The following PTPRN2 variants were observed in gnomAD, a reference collection of about 807,000 sequenced individuals.
PTPRN2 encodes the protein receptor-type tyrosine-protein phosphatase N2.
A neutral mutation model predicts 118.8 loss-of-function variants in PTPRN2; 74 were observed. The observed-to-expected ratio is 0.62, with a 90% CI of 0.52 to 0.76. The LOEUF (loss-of-function observed/expected upper bound fraction) is 0.76, where lower values mean the gene tolerates loss of function less well. Ranked by LOEUF, PTPRN2 falls within the 30% of genes least tolerant of loss-of-function variation. The probability of loss-of-function intolerance (pLI) is 0.00; values close to 1 mark genes in which losing one functional copy is unlikely to be tolerated. For missense variants in PTPRN2, 1,481 were observed against 1,394.4 expected (o/e 1.06, Z -0.99); for synonymous variants, 641 against 608.0 (o/e 1.05, Z -0.80).
intron 2 of PTPRN2, among the ~76,000 whole-genome samples, chr7:158,404,766 C>G (rs1216069464): frequency 1.4e-5 from 2 of 139,388 alleles, no homozygotes; most frequent in Non-Finnish European, 3.1e-5. Context: ...CCGGCCTCAG[C>G]TCCCCGGCCC....
At chr7:157,689,747 T>C (rs1211882707) in intron 12 of PTPRN2, among the ~76,000 whole-genome samples, 1 of 152,182 alleles carries the variant, frequency 6.6e-6, no homozygotes. Flanking sequence ...GGGGAGGCGC[T>C]GAGAAAGCGC....
At chr7:157,827,416 G>A (rs1282773441) in intron 12 of PTPRN2, among the ~76,000 whole-genome samples, 1 of 79,348 alleles carries the variant, frequency 1.3e-5, no homozygotes, top group Non-Finnish European at 3.3e-5. Context: ...AACACAGTGT[G>A]GGCCGTGGCT....
chr7:158,151,728 A>G (rs970410260), intron 6 of PTPRN2, among the ~76,000 whole-genome samples: 2 of 150,034 alleles, frequency 1.3e-5, no homozygotes, highest in Non-Finnish European at 3.0e-5. Flanking sequence ...CTCCCTTGCT[A>G]GCTGCATTCT....
intron 14 of PTPRN2, among the ~76,000 whole-genome samples, chr7:157,649,416 A>G (rs1406335162): frequency 4.4e-4 from 43 of 98,270 alleles, no homozygotes; most frequent in South Asian, 1.3e-3. Flanking sequence ...TCGGTGGGTC[A>G]GACCCTTTCA....
chr7:158,545,829 T>C (rs1444298370), intron 1 of PTPRN2, among the ~76,000 whole-genome samples: 4 of 152,068 alleles, frequency 2.6e-5, no homozygotes, highest in Non-Finnish European at 5.9e-5. Flanking sequence ...CAAAACCCTG[T>C]CTCTACTCAA....
chr7:157,605,215 C>T (rs988145049), intron 15 of PTPRN2, among the ~76,000 whole-genome samples: 33 of 152,354 alleles, frequency 2.2e-4, no homozygotes, highest in Admixed American at 5.2e-4. Flanking sequence ...CAGTCAGGCA[C>T]GCTGGGTGCT....
chr7:157,551,180 C>T (rs555521764), intron 21 of PTPRN2, among the ~76,000 whole-genome samples: 1 of 152,264 alleles, frequency 6.6e-6, no homozygotes, highest in South Asian at 2.1e-4. Context: ...CCAGGTTAGT[C>T]TCAGTGTCAC....
At chr7:158,248,801 GAC>G (rs1338488437) in intron 3 of PTPRN2, among the ~76,000 whole-genome samples, 2 of 9,576 alleles carry the variant, frequency 2.1e-4, no homozygotes, top group African/African-American at 7.2e-4. Context: ...GCATATAGAT[GAC>G]ACACGTGCAC....
intron 14 of PTPRN2, among the ~76,000 whole-genome samples, chr7:157,639,234 G>A (rs1022121593): frequency 3.9e-5 from 6 of 152,154 alleles, no homozygotes; most frequent in East Asian, 1.9e-4. Flanking sequence ...ATGGGGTTTC[G>A]CCTGTTGGCC....
intron 11 of PTPRN2, among the ~76,000 whole-genome samples, chr7:157,906,315 G>A (rs559151389): frequency 6.6e-6 from 1 of 152,362 alleles, no homozygotes. Flanking sequence ...CCTGGGCCCA[G>A]GCGAGCTGCC....
chr7:158,458,852 G>A (rs1020535618), intron 2 of PTPRN2, among the ~76,000 whole-genome samples: 2 of 152,172 alleles, frequency 1.3e-5, no homozygotes, highest in Admixed American at 6.5e-5. Context: ...ACTAACCGTG[G>A]ACACACCTTT....
intron 11 of PTPRN2, among the ~76,000 whole-genome samples, chr7:157,995,447 C>T (rs188155791): frequency 2.6e-5 from 4 of 152,388 alleles, no homozygotes; most frequent in Admixed American, 1.3e-4. Flanking sequence ...CTCTCCAGGC[C>T]TGCCTGTCAC....
intron 2 of PTPRN2, 52 bp from the exon 3 acceptor site, chr7:158,316,984 G>A (rs1411391470): frequency 4.3e-6 from 6 of 1,390,538 alleles, no homozygotes; most frequent in Non-Finnish European, 5.0e-6. Flanking sequence ...TTTTCAGAGA[G>A]CAGGAAGGTG....
chr7:157,705,717 C>A (rs1448792002), intron 12 of PTPRN2, among the ~76,000 whole-genome samples: 3 of 151,688 alleles, frequency 2.0e-5, no homozygotes, highest in Non-Finnish European at 4.4e-5. Flanking sequence ...TGGATAAACG[C>A]GGATCACATC....
intron 3 of PTPRN2, among the ~76,000 whole-genome samples, chr7:158,314,629 G>A (rs1258512485): frequency 6.6e-6 from 1 of 152,204 alleles, no homozygotes; most frequent in Non-Finnish European, 1.5e-5. Context: ...GTGGCCTGGA[G>A]TGTGCATCAG....
intron 2 of PTPRN2, among the ~76,000 whole-genome samples, chr7:158,318,032 G>T (rs1038072906): frequency 6.6e-6 from 1 of 152,180 alleles, no homozygotes; most frequent in South Asian, 2.1e-4. Flanking sequence ...CGCCAGGCCC[G>T]CGCCGTTTCC....
At chr7:158,358,510 C>A (rs541498857) in intron 2 of PTPRN2, among the ~76,000 whole-genome samples, 5 of 152,218 alleles carry the variant, frequency 3.3e-5, no homozygotes, top group African/African-American at 1.2e-4. Context: ...TGTACCCCCA[C>A]GCACACAGCA....
intron 2 of PTPRN2, among the ~76,000 whole-genome samples, chr7:158,363,230 C>T (rs1359241099): frequency 2.0e-5 from 3 of 151,524 alleles, no homozygotes; most frequent in Admixed American, 1.3e-4. Context: ...GGAGGACGCT[C>T]GGGAGGCCAC....
chr7:158,178,589 C>CTTTTT (rs56710690), intron 5 of PTPRN2, among the ~76,000 whole-genome samples: 2 of 67,388 alleles, frequency 3.0e-5, no homozygotes, highest in African/African-American at 5.2e-5. Flanking sequence ...CATTTTCTTT[C>CTTTTT]TTTTTTTTTT....
Sources: allele counts gnomAD v4.1 joint callset (sites outside exome capture counted in the v4.1 genomes callset), GRCh38; gene constraint gnomAD v4.1.1; transcripts MANE v1.5; gene names NCBI Gene and HGNC (gene_info 2026-07-23, HGNC 2026-07-21).